The following PCDH11X variants were observed in gnomAD, a reference collection of about 807,000 sequenced individuals.
PCDH11X encodes protocadherin-11 X-linked.
PCDH11X carries 18 observed loss-of-function variants against 53.3 expected under a neutral mutation model. That is an observed-to-expected ratio of 0.34 (90% CI 0.23 to 0.50). PCDH11X has a LOEUF of 0.50. Among genes scored for constraint, PCDH11X ranks in the 20% least tolerant of loss-of-function variants. The pLI, the probability that PCDH11X is intolerant of heterozygous loss-of-function variation, is 0.98. For synonymous variants in PCDH11X, 279 were observed against 393.3 expected (o/e 0.71, Z 3.44); for missense variants, 570 against 1,032.4 (o/e 0.55, Z 6.14).
rs537955283 is a variant in PCDH11X, at chrX:92,142,269, G to T, written c.3034-59106G>T. On this transcript the variant is annotated intron_variant, in intron 6 of 10. Transcript: ENST00000682573. Reference sequence around the variant, plus strand: ...CCTACTGGGTTCAAGCAATTCTCCTGCCTCAGCCTCCCTAGTAGCTGGGAT... The same window carrying T: ...CCTACTGGGTTCAAGCAATTCTCCTTCCTCAGCCTCCCTAGTAGCTGGGAT... 2.8e-5 allele frequency among the ~76,000 whole-genome samples: 3 copies of T among 108,678 alleles called. No homozygotes were observed. In the South Asian group the frequency reaches 1.2e-3, roughly 44 times the overall value. The allele number at this position is 108,678 out of a possible 115,157, so 94.4% of individuals were successfully genotyped here.
chrX:91,857,186 G>A (rs185285713), intron 5 of PCDH11X, among the ~76,000 whole-genome samples: 54 of 111,310 alleles, frequency 4.9e-4, no homozygotes, highest in Middle Eastern at 4.6e-3. Flanking sequence ...AAGAGAGAGC[G>A]TGTGCAGGGG....
intron 7 of PCDH11X, among the ~76,000 whole-genome samples, chrX:92,259,846 C>A (rs766616557): frequency 9.0e-6 from 1 of 111,705 alleles, no homozygotes; most frequent in Non-Finnish European, 1.9e-5. Context: ...TCCTTCAAGG[C>A]AGCAGATACT....
At position 91,799,743 on chromosome X, in the gene PCDH11X, AAGTAGGGAGATTGAACTGAT is replaced by A. The variant is rs985278736; in HGVS notation, c.-378-9701_-378-9682del. ...GATATGTGTTCATAAGTAAATAAAT[AAGTAGGGAGATTGAACTGAT>A]AGTAGGGAGATTGAACTGATACCTC... On this transcript the variant is annotated intron_variant, in intron 1 of 10. Coordinates refer to ENST00000682573, the MANE Select transcript of PCDH11X (RefSeq NM_032968.5). Among the ~76,000 whole-genome samples the A allele has an allele frequency of 1.2e-4, 13 of 112,284 alleles. No individual in the cohort carries two copies. In the East Asian group the frequency reaches 2.2e-3, roughly 19 times the overall value.
intron 10 of PCDH11X, among the ~76,000 whole-genome samples, chrX:92,600,886 G>A (rs2556801): frequency 2.0e-5 from 2 of 97,690 alleles, no homozygotes; most frequent in Non-Finnish European, 4.1e-5. Flanking sequence ...TCAGTGTGAC[G>A]TGGATGTGAA....
intron 6 of PCDH11X, among the ~76,000 whole-genome samples, chrX:92,051,698 G>A (rs143617304): frequency 0.017 from 1,929 of 111,213 alleles, 46 homozygotes; most frequent in African/African-American, 0.059. Flanking sequence ...GAATCAAATG[G>A]GTGTGAAGTA....
At chrX:92,316,847 CT>C (rs1479881386) in intron 8 of PCDH11X, among the ~76,000 whole-genome samples, 2 of 110,114 alleles carry the variant, frequency 1.8e-5, no homozygotes, top group Admixed American at 9.7e-5. Flanking sequence ...AAGCAACTTC[CT>C]TTCTGAATTT....
intron 6 of PCDH11X, among the ~76,000 whole-genome samples, chrX:92,096,473 T>C (rs1238894750): frequency 3.7e-5 from 4 of 108,719 alleles, no homozygotes; most frequent in Non-Finnish European, 7.6e-5. Context: ...TGTGTGTGTG[T>C]GTATGTACCT....
At chrX:91,993,135 G>A (rs2062354200) in intron 6 of PCDH11X, among the ~76,000 whole-genome samples, 2 of 111,980 alleles carry the variant, frequency 1.8e-5, no homozygotes, top group Admixed American at 1.9e-4. Context: ...GGCCACACAG[G>A]TTGTACCAAT....
At chrX:92,484,149 A>G (rs868530901) in intron 10 of PCDH11X, among the ~76,000 whole-genome samples, 27 of 36,320 alleles carry the variant, frequency 7.4e-4, no homozygotes, top group African/African-American at 2.4e-3. Flanking sequence ...ATGTATATAT[A>G]TGTATATATG....
At position 92,037,312 on chromosome X, in the gene PCDH11X, T is replaced by C. The variant is rs1176892871; in HGVS notation, c.3033+158039T>C. ...CTTATGAGTGGGAACATGTGGTTTT[T>C]GGTTTTCGGTTCCTGTGTTAGTTTG... On this transcript the variant is annotated intron_variant, in intron 6 of 10. Coordinates refer to ENST00000682573, the MANE Select transcript of PCDH11X (RefSeq NM_032968.5). Among the ~76,000 whole-genome samples, 10 of 110,240 alleles carry C rather than the reference T, an allele frequency of 9.1e-5. No homozygotes were observed. The South Asian group carries it at 4.0e-3, about 44-fold the overall frequency.
intron 10 of PCDH11X, among the ~76,000 whole-genome samples, chrX:92,581,167 C>T (rs1923649853): frequency 1.8e-5 from 2 of 111,407 alleles, no homozygotes; most frequent in South Asian, 3.8e-4. Flanking sequence ...TAAACAATAC[C>T]GTCAACCACA....
At chrX:91,923,460 G>C (rs1206200958) in intron 6 of PCDH11X, among the ~76,000 whole-genome samples, 2 of 107,300 alleles carry the variant, frequency 1.9e-5, no homozygotes, top group Non-Finnish European at 3.8e-5. Context: ...TCCTGTGCTG[G>C]ATGCTTCCTG....
At chrX:92,500,431 A>G (rs1439720154) in intron 10 of PCDH11X, among the ~76,000 whole-genome samples, 1 of 110,792 alleles carries the variant, frequency 9.0e-6, no homozygotes, top group Non-Finnish European at 1.9e-5. Flanking sequence ...CTTTTAGGAA[A>G]CACAGCAAAA....
chrX:92,603,877 T>A (rs1926500812), intron 10 of PCDH11X, among the ~76,000 whole-genome samples: 1 of 106,336 alleles, frequency 9.4e-6, no homozygotes, highest in Non-Finnish European at 1.9e-5. Context: ...AAAGACAGTA[T>A]AATTTTGTTT....
At chrX:92,040,685 G>A in intron 6 of PCDH11X, among the ~76,000 whole-genome samples, 1 of 111,251 alleles carries the variant, frequency 9.0e-6, no homozygotes, top group Non-Finnish European at 1.9e-5. Flanking sequence ...TGCTTTTTGT[G>A]TGTGTGTAGT....
chrX:91,905,908 G>A (rs1252609984), intron 6 of PCDH11X, among the ~76,000 whole-genome samples: 1 of 111,413 alleles, frequency 9.0e-6, no homozygotes, highest in Non-Finnish European at 1.9e-5. Context: ...TAATTTCTAT[G>A]TAGATTAAAC....
intron 6 of PCDH11X, among the ~76,000 whole-genome samples, chrX:91,886,071 C>T (rs1239830445): frequency 9.0e-6 from 1 of 111,622 alleles, no homozygotes; most frequent in Admixed American, 9.5e-5. Flanking sequence ...AACTAGTTTT[C>T]CACAAAGGCC....
chrX:92,467,299 C>T (rs1177922186), intron 9 of PCDH11X, among the ~76,000 whole-genome samples: 1 of 111,016 alleles, frequency 9.0e-6, no homozygotes, highest in African/African-American at 3.3e-5. Flanking sequence ...ATTACTTTCA[C>T]CTCTATTTTT....
At position 92,095,421 on chromosome X, in the gene PCDH11X, C is replaced by A. The variant is rs1398054374; in HGVS notation, c.3034-105954C>A. On this transcript the variant is annotated intron_variant, in intron 6 of 10. Coordinates refer to ENST00000682573, the MANE Select transcript of PCDH11X (RefSeq NM_032968.5). ...GTAGGTACCCCTGAATAAGATATAT[C>A]TTTTAATGTATATTTAATAAAATAA... Among the ~76,000 whole-genome samples the A allele has an allele frequency of 6.3e-5, 7 of 110,963 alleles. No homozygotes were observed. In the South Asian group the frequency reaches 1.5e-3, roughly 24 times the overall value.
Sources: gnomAD v4.1 joint callset for allele counts (sites outside exome capture counted in the v4.1 genomes callset) on GRCh38, gnomAD v4.1.1 for gene constraint, MANE v1.5 for transcripts, NCBI Gene and HGNC (gene_info 2026-07-23, HGNC 2026-07-21) for gene names.